Variants in USF3 observed in about 807,000 individuals in gnomAD.
The protein encoded by USF3 is upstream transcription factor family member 3.
A neutral mutation model predicts 157.5 loss-of-function variants in USF3; 29 were observed. That is an observed-to-expected ratio of 0.18 (90% CI 0.14 to 0.25). USF3 has a LOEUF of 0.25. Ranked by LOEUF, USF3 falls within the 10% of genes least tolerant of loss-of-function variation. The pLI is 1.00. For synonymous variants in USF3, 893 were observed against 941.4 expected, an observed-to-expected ratio of 0.95 and a Z score of 0.94; for missense variants, 2,381 against 2,667.6, an observed-to-expected ratio of 0.89 and a Z score of 2.37.
chr3:113,653,157 AT>A lies in USF3; in HGVS notation c.*1786del. The A allele has an allele frequency of 1.2e-5, 2 of 171,130 alleles. No homozygotes were observed. Among genetic ancestry groups the A allele is most frequent in the South Asian group, 1.8e-4 (1 of 5,534 alleles). 10.6% of individuals were successfully genotyped at this position (171,130 alleles called of 1,614,324 possible). ...CTATGCATCTCTCCCACCCCATCCC[AT>A]TTTTGGCAGAATATAACAAGAACAA... On this transcript the variant is annotated 3_prime_UTR_variant, in exon 7 of 7. Coordinates refer to ENST00000316407, the MANE Select transcript of USF3 (RefSeq NM_001009899.4).
At position 113,651,382 on chromosome 3, in the gene USF3, T is replaced by C. The variant is rs1246534492; in HGVS notation, c.*3562A>G. ...CTTGGGAATCACTGATTTGGGAGTATGACTTACCACCACATGCTGATCCAT... is the reference window on the plus strand; with the variant it reads ...CTTGGGAATCACTGATTTGGGAGTACGACTTACCACCACATGCTGATCCAT... On this transcript the variant is annotated 3_prime_UTR_variant, in exon 7 of 7. Transcript: ENST00000316407. 1 of 152,172 alleles carries C rather than the reference T, an allele frequency of 6.6e-6. No individual in the cohort carries two copies. Among genetic ancestry groups the C allele is most frequent in the Admixed American group, 6.5e-5 (1 of 15,274 alleles). 9.4% of individuals were successfully genotyped at this position (152,172 alleles called of 1,614,324 possible).
At chr3:113,666,936 T>C (rs1041611063) in intron 5 of USF3, among the ~76,000 whole-genome samples, 4 of 152,192 alleles carry the variant, frequency 2.6e-5, no homozygotes, top group African/African-American at 4.8e-5. Flanking sequence ...CAGTCTATTA[T>C]TGATAAACAT....
chr3:113,688,649 C>G (rs1033002378), intron 1 of USF3, among the ~76,000 whole-genome samples: 13 of 152,168 alleles, frequency 8.5e-5, no homozygotes, highest in Non-Finnish European at 8.8e-5. Context: ...GGGTAATCAA[C>G]AAGTATTTGT....
At chr3:113,688,229 T>C (rs1312450099) in intron 1 of USF3, among the ~76,000 whole-genome samples, 1 of 152,040 alleles carries the variant, frequency 6.6e-6, no homozygotes, top group Non-Finnish European at 1.5e-5. Flanking sequence ...AGTGATTCTC[T>C]TACCTCAGCC....
At chr3:113,674,317 T>C (rs1215881704) in intron 3 of USF3, among the ~76,000 whole-genome samples, 1 of 152,176 alleles carries the variant, frequency 6.6e-6, no homozygotes, top group Non-Finnish European at 1.5e-5. Context: ...TCTTGTTATA[T>C]TGCTAGTAGA....
Position 113,655,901 on chromosome 3 carries a change from C to A in USF3, c.5781G>T (p.Glu1927Asp). Residue 1927 changes from glutamate (E) to aspartate (D), a missense_variant, in exon 7 of 7, where the codon GAG becomes GAT. Glu to Asp is a conservative substitution (Grantham distance 45). This residue lies in a region of USF3 where 770 missense variants were observed against 824.2 expected (regional missense o/e 0.93). Transcript: ENST00000316407. ...VQKSNPMRIT[E>D]SHATKGHMNP... ...TCATGTGGCCCTTGGTGGCATGACTCTCAGTAATCCTCATGGGATTGGATT... is the reference window on the plus strand; with the variant it reads ...TCATGTGGCCCTTGGTGGCATGACTATCAGTAATCCTCATGGGATTGGATT... The A allele has an allele frequency of 6.2e-7, 1 of 1,614,162 alleles. No homozygotes were observed. The highest frequency in any genetic ancestry group is 8.5e-7 in the Non-Finnish European group (1 of 1,180,036).
chr3:113,691,466 G>A (rs1464764497), intron 1 of USF3, among the ~76,000 whole-genome samples: 1 of 152,204 alleles, frequency 6.6e-6, no homozygotes, highest in Non-Finnish European at 1.5e-5. Flanking sequence ...TAAATCTGTT[G>A]TTTTGGCCTT....
At chr3:113,662,658 T>C (rs187276396) in intron 6 of USF3, among the ~76,000 whole-genome samples, 2 of 152,334 alleles carry the variant, frequency 1.3e-5, no homozygotes, top group South Asian at 2.1e-4. Flanking sequence ...ATAATAATCA[T>C]GGTTCTCACT....
At chr3:113,673,189 A>C (rs1707201054) in intron 4 of USF3, among the ~76,000 whole-genome samples, 159 bp downstream of exon 4, 2 of 152,232 alleles carry the variant, frequency 1.3e-5, no homozygotes, top group Admixed American at 1.3e-4. Flanking sequence ...CATGAGACTC[A>C]GGGAGTATTT....
intron 1 of USF3, among the ~76,000 whole-genome samples, chr3:113,682,010 G>A (rs907039308): frequency 6.6e-6 from 1 of 152,182 alleles, no homozygotes; most frequent in Non-Finnish European, 1.5e-5. Context: ...TGAACCACCA[G>A]GGAAACCCGG....
chr3:113,662,440 A>C (rs1012149506), intron 6 of USF3, among the ~76,000 whole-genome samples: 4 of 152,254 alleles, frequency 2.6e-5, no homozygotes, highest in African/African-American at 9.6e-5. Flanking sequence ...ATCTGCCTTG[A>C]AACAGTGGAG....
intron 4 of USF3, among the ~76,000 whole-genome samples, chr3:113,672,253 T>A (rs1707173146): frequency 6.6e-6 from 1 of 151,500 alleles, no homozygotes. Flanking sequence ...GCCTCCTGAG[T>A]AGCTGGGATT....
intron 6 of USF3, 101 bp from the exon 7 acceptor site, chr3:113,661,526 G>A (rs1004311080): frequency 7.8e-6 from 5 of 643,490 alleles, no homozygotes; most frequent in Non-Finnish European, 1.2e-5. Context: ...TCTAATTCTA[G>A]CATTCTAAGT....
chr3:113,668,597 T>G (rs1707064251), intron 5 of USF3, among the ~76,000 whole-genome samples: 1 of 151,958 alleles, frequency 6.6e-6, no homozygotes, highest in African/African-American at 2.4e-5. Context: ...TAATGCCTCA[T>G]TCCCAAGTAT....
Position 113,652,399 on chromosome 3 carries a change from T to A in USF3, c.*2545A>T, listed in dbSNP as rs983268659. 2 of 152,086 alleles carry A rather than the reference T, an allele frequency of 1.3e-5. No individual in the cohort carries two copies. Among genetic ancestry groups the A allele is most frequent in the African/African-American group, 4.8e-5 (2 of 41,406 alleles). The allele number at this position is 152,086 out of a possible 1,614,324, so 9.4% of individuals were successfully genotyped here. On this transcript the variant is annotated 3_prime_UTR_variant, in exon 7 of 7. Transcript: ENST00000316407. Reference sequence around the variant, plus strand: ...TTATCTGTTGTCTTGAGTAACTTATTCATGAAGCTCTCCTATTCTTCCCCA... The same window carrying A: ...TTATCTGTTGTCTTGAGTAACTTATACATGAAGCTCTCCTATTCTTCCCCA...
In USF3 at chr3:113,680,549, C is replaced by T. The variant is rs116121761; in HGVS notation, c.-134-3152G>A. On this transcript the variant is annotated intron_variant, in intron 1 of 6. Transcript: ENST00000316407. ...CTTTTTGGCCAGGCACAGTGGCTCA[C>T]GCTTGTAATCCCAGCACTTTGGGAG... Among the ~76,000 whole-genome samples the T allele has an allele frequency of 6.3e-3, 954 of 152,120 alleles. 4 individuals are homozygous for T. Among genetic ancestry groups the T allele is most frequent in the Non-Finnish European group, 0.011 (717 of 67,970 alleles).
In USF3 at chr3:113,658,059, C is replaced by T; in HGVS notation, c.3623G>A (p.Arg1208Lys). 1 of 1,614,132 alleles carries T rather than the reference C, an allele frequency of 6.2e-7. No individual in the cohort carries two copies. The highest frequency in any genetic ancestry group is 1.1e-5 in the South Asian group (1 of 91,078). ...AGAACAACTTGGTTTCTCAAGGGGC[C>T]TCTCCATAGTTGCTTCAATTGAACC... ...SQGSIEATME[R>K]PLEKPSCSLG... Residue 1208 changes from arginine (R) to lysine (K), a missense_variant, in exon 7 of 7, where the codon AGG becomes AAG. Arg to Lys is a conservative substitution (Grantham distance 26). Around this residue, in one of 6 missense-constraint regions of USF3, gnomAD observed 1,435 missense variants for 1,550.9 expected, o/e 0.93. Transcript: ENST00000316407.
chr3:113,695,330 G>GA (rs1376625137), intron 1 of USF3, among the ~76,000 whole-genome samples: 1 of 152,200 alleles, frequency 6.6e-6, no homozygotes, highest in African/African-American at 2.4e-5. Context: ...CTATGGGAGA[G>GA]AAAAAAGTCA....
intron 4 of USF3, among the ~76,000 whole-genome samples, chr3:113,671,229 T>TGGCAAATG (rs1707147137): frequency 6.6e-6 from 1 of 152,220 alleles, no homozygotes; most frequent in African/African-American, 2.4e-5. Flanking sequence ...TGCCTCTTTA[T>TGGCAAATG]GGCAAATGGG....
Sources: gnomAD v4.1 joint callset for allele counts (sites outside exome capture counted in the v4.1 genomes callset) on GRCh38, gnomAD v4.1.1 for gene constraint, gnomAD v4.1.1 regional missense constraint, MANE v1.5 for transcripts, NCBI Gene and HGNC (gene_info 2026-07-23, HGNC 2026-07-21) for gene names.